The following BRAF variants were observed in gnomAD, a reference collection of about 807,000 sequenced individuals.
BRAF encodes the protein serine/threonine-protein kinase B-raf.
Under a neutral mutation model 104.6 loss-of-function variants are expected in BRAF, and 16 were observed. That is an observed-to-expected ratio of 0.15 (90% CI 0.10 to 0.23). BRAF has a LOEUF of 0.23. BRAF is among the 10% of genes least tolerant of loss of function. The pLI is 1.00. For missense variants in BRAF, 541 were observed against 937.3 expected (o/e 0.58, Z 5.52); for synonymous variants, 310 against 341.6 (o/e 0.91, Z 1.02).
intron 14 of BRAF, among the ~76,000 whole-genome samples, chr7:140,775,540 T>C (rs1800257150): frequency 6.6e-6 from 1 of 151,990 alleles, no homozygotes. Flanking sequence ...GGTTTCTCCA[T>C]GTTGGTCAGG....
chr7:140,819,890 A>G (rs1243618562), intron 3 of BRAF, among the ~76,000 whole-genome samples: 1 of 152,232 alleles, frequency 6.6e-6, no homozygotes, highest in African/African-American at 2.4e-5. Flanking sequence ...ATATTTTTAA[A>G]TGAATTATCA....
At chr7:140,817,641 A>C (rs936555269) in intron 3 of BRAF, among the ~76,000 whole-genome samples, 4 of 152,216 alleles carry the variant, frequency 2.6e-5, no homozygotes, top group South Asian at 2.1e-4. Flanking sequence ...ATAATTCCAT[A>C]CATCTACAGT....
At chr7:140,916,415 T>A (rs1194986345) in intron 1 of BRAF, among the ~76,000 whole-genome samples, 1 of 152,220 alleles carries the variant, frequency 6.6e-6, no homozygotes, top group Non-Finnish European at 1.5e-5. Context: ...CTCTGAAATA[T>A]CACAGAACAT....
chr7:140,906,087 C>CAAAAAAAAAAAAAAAA (rs61150735), intron 1 of BRAF, among the ~76,000 whole-genome samples: 5 of 44,710 alleles, frequency 1.1e-4, no homozygotes, highest in African/African-American at 3.0e-4. Flanking sequence ...GACTCCGTCT[C>CAAAAAAAAAAAAAAAA]AAAAAAAAAA....
chr7:140,860,465 GAA>G (rs746617365), intron 1 of BRAF, among the ~76,000 whole-genome samples: 1 of 62,150 alleles, frequency 1.6e-5, no homozygotes, highest in Admixed American at 1.6e-4. Flanking sequence ...CCCATCTCTA[GAA>G]AAAAAAAAAA....
At chr7:140,743,550 A>C (rs1797106052) in intron 17 of BRAF, among the ~76,000 whole-genome samples, 1 of 152,096 alleles carries the variant, frequency 6.6e-6, no homozygotes, top group South Asian at 2.1e-4. Context: ...AGGAAGGGGA[A>C]CATCACACTC....
intron 17 of BRAF, chr7:140,741,607 A>G (rs566365318): frequency 1.3e-5 from 2 of 152,258 alleles, no homozygotes; most frequent in South Asian, 4.1e-4. Flanking sequence ...AAGTTCTCCA[A>G]TGAGACTATG....
At position 140,786,846 on chromosome 7, in the gene BRAF, T is replaced by C. The variant is rs1307577286; in HGVS notation, c.1177+702A>G. Among the ~76,000 whole-genome samples, 7 of 152,298 alleles carry C rather than the reference T, an allele frequency of 4.6e-5. No homozygotes were observed. In the East Asian group the frequency reaches 5.8e-4, roughly 13 times the overall value. On this transcript the variant is annotated intron_variant, in intron 9 of 19. Transcript: ENST00000644969. Reference sequence around the variant, plus strand: ...CCCCACAAAGGAAATTTATCAACAATAGCTTTCAAGATGGTTAGAAATTAA... The same window carrying C: ...CCCCACAAAGGAAATTTATCAACAACAGCTTTCAAGATGGTTAGAAATTAA...
intron 8 of BRAF, among the ~76,000 whole-genome samples, chr7:140,792,906 G>A (rs890028247): frequency 5.9e-5 from 9 of 152,326 alleles, no homozygotes; most frequent in Non-Finnish European, 1.2e-4. Context: ...TGGAACAAGA[G>A]AACAGATGAT....
intron 5 of BRAF, among the ~76,000 whole-genome samples, chr7:140,804,246 C>T (rs544659272): frequency 9.2e-5 from 14 of 152,028 alleles, no homozygotes; most frequent in Admixed American, 9.2e-4. Flanking sequence ...TCACTGTCAC[C>T]CAGGCCGGAG....
In BRAF at chr7:140,924,827, G is replaced by A. The variant is rs527625447; in HGVS notation, c.-124C>T. The A allele has an allele frequency of 1.4e-3, 500 of 367,012 alleles. 1 individual carries two copies. The highest frequency in any genetic ancestry group is 3.1e-3 in the Admixed American group (64 of 20,582). 22.7% of individuals were successfully genotyped at this position (367,012 alleles called of 1,614,324 possible). A position where few individuals can be genotyped will look rare whatever the true frequency, so the allele number is the denominator to read the frequency against. On this transcript the variant is annotated 5_prime_UTR_variant, in exon 1 of 20. Coordinates refer to ENST00000644969, the MANE Select transcript of BRAF (RefSeq NM_001374258.1). This position sits in a 1 kb window ranked among gnomAD's most constrained non-coding sequence, Gnocchi z 4.2. ...GGAGCGGGGGGCGCGGGGGGCGCGGGGAGGAGCGGCCCGGGCGGCGCCGCG... is the reference window on the plus strand; with the variant it reads ...GGAGCGGGGGGCGCGGGGGGCGCGGAGAGGAGCGGCCCGGGCGGCGCCGCG...
rs578180354 is a variant in BRAF at position 140,764,523 on chromosome 7, C to T, written c.1815-10290G>A. On this transcript the variant is annotated intron_variant, in intron 14 of 19. Coordinates refer to ENST00000644969, the MANE Select transcript of BRAF (RefSeq NM_001374258.1). ...AAGTCAAATTGTCCCTGTTTGCAGA[C>T]GACATGATTGTATATCTAGAAAACC... Among the ~76,000 whole-genome samples, 572 of 151,334 alleles carry T rather than the reference C, an allele frequency of 3.8e-3. 4 individuals carry two copies. Among genetic ancestry groups the T allele is most frequent in the African/African-American group, 0.013 (518 of 40,982 alleles).
At chr7:140,914,690 T>G (rs1031231869) in intron 1 of BRAF, among the ~76,000 whole-genome samples, 1 of 152,090 alleles carries the variant, frequency 6.6e-6, no homozygotes, top group East Asian at 1.9e-4. Flanking sequence ...ATTTTTATGA[T>G]GGGAATTAAG....
At chr7:140,896,315 A>AT in intron 1 of BRAF, among the ~76,000 whole-genome samples, 1 of 152,146 alleles carries the variant, frequency 6.6e-6, no homozygotes, top group East Asian at 1.9e-4. Context: ...CCAGTAAAAA[A>AT]ATATATTTTT....
intron 1 of BRAF, among the ~76,000 whole-genome samples, chr7:140,879,590 AAT>A (rs1812648846): frequency 6.6e-6 from 1 of 151,762 alleles, no homozygotes; most frequent in South Asian, 2.1e-4. Context: ...TTAATTTTAA[AAT>A]AGTGTTAAAA....
chr7:140,890,990 A>G (rs962130137), intron 1 of BRAF, among the ~76,000 whole-genome samples: 10 of 152,230 alleles, frequency 6.6e-5, no homozygotes, highest in Non-Finnish European at 1.5e-4. Context: ...GCACTTTTTA[A>G]AAGACTAATT....
intron 2 of BRAF, among the ~76,000 whole-genome samples, chr7:140,848,056 G>A (rs1808765047): frequency 6.6e-6 from 1 of 152,122 alleles, no homozygotes; most frequent in Non-Finnish European, 1.5e-5. Context: ...ATTTTAATAA[G>A]TAGTTCAATT....
intron 17 of BRAF, chr7:140,747,393 T>C: frequency 7.8e-7 from 1 of 1,284,316 alleles, no homozygotes; most frequent in Non-Finnish European, 1.0e-6. Flanking sequence ...ATTCCTCTCA[T>C]GGAGAGTAAG....
Position 140,886,417 on chromosome 7 carries a change from A to C in BRAF, c.139-36205T>G, listed in dbSNP as rs188325517. 3.2e-4 allele frequency among the ~76,000 whole-genome samples: 49 copies of C among 152,322 alleles called. No individual in the cohort carries two copies. The East Asian group carries it at 6.2e-3, about 19-fold the overall frequency. On this transcript the variant is annotated intron_variant, in intron 1 of 19. Transcript: ENST00000644969. ...CTTTAATGGCTCCCCAGTAACTCAG[A>C]ATACAACCTAAACTTCCTAGTACAG... is the stretch of plus-strand genomic sequence containing the variant.
Sources: gnomAD v4.1 joint callset for allele counts (sites outside exome capture counted in the v4.1 genomes callset) on GRCh38, gnomAD v4.1.1 for gene constraint, Gnocchi (gnomAD v3.1) non-coding constraint, MANE v1.5 for transcripts, NCBI Gene and HGNC (gene_info 2026-07-23, HGNC 2026-07-21) for gene names.